Variants in DAD1 observed in about 807,000 individuals in gnomAD.
DAD1 encodes dolichyl-diphosphooligosaccharide--protein glycosyltransferase subunit DAD1.
In DAD1, 4 loss-of-function variants were observed where a neutral mutation model predicts 9.0. The observed-to-expected ratio is 0.44, with a 90% CI of 0.22 to 1.01. DAD1 has a LOEUF of 1.01. Ranked by LOEUF, DAD1 falls within the 50% of genes least tolerant of loss-of-function variation. DAD1 has a pLI of 0.24. For missense variants in DAD1, 119 were observed against 137.3 expected (o/e 0.87, Z 0.67); for synonymous variants, 60 against 62.5 (o/e 0.96, Z 0.19).
At chr14:22,584,753 T>C (rs1209390251) in intron 1 of DAD1, among the ~76,000 whole-genome samples, 1 of 152,112 alleles carries the variant, frequency 6.6e-6, no homozygotes, top group South Asian at 2.1e-4. Context: ...GGAAGCCAGA[T>C]CATGAAAGAG....
chr14:22,577,434 G>C (rs1039766832), intron 1 of DAD1, among the ~76,000 whole-genome samples: 1 of 152,102 alleles, frequency 6.6e-6, no homozygotes, highest in African/African-American at 2.4e-5. Context: ...AACTCCATCT[G>C]GGAGGTTGGG....
intron 1 of DAD1, among the ~76,000 whole-genome samples, chr14:22,577,027 A>T (rs1232571915): frequency 1.3e-5 from 2 of 152,234 alleles, no homozygotes; most frequent in East Asian, 3.8e-4. Flanking sequence ...AAAATCAAAT[A>T]GGGTAGCCAG....
chr14:22,564,937 A>T lies in DAD1; in HGVS notation c.*245T>A. On this transcript the variant is annotated 3_prime_UTR_variant, in exon 3 of 3. Coordinates refer to ENST00000250498, the MANE Select transcript of DAD1 (RefSeq NM_001344.4). Reference sequence around the variant, plus strand: ...GTGGCATGGAGTTCTTTAATTTGGAAGGCAAAAGGTTACATTTAATGAAAG... The same window carrying T: ...GTGGCATGGAGTTCTTTAATTTGGATGGCAAAAGGTTACATTTAATGAAAG... The T allele has an allele frequency of 1.7e-6, 1 of 586,814 alleles. No individual in the cohort carries two copies. Among genetic ancestry groups the T allele is most frequent in the South Asian group, 2.1e-5 (1 of 46,612 alleles). The allele number at this position is 586,814 out of a possible 1,614,324, so 36.4% of individuals were successfully genotyped here.
chr14:22,569,492 T>C (rs1222363594), intron 2 of DAD1, among the ~76,000 whole-genome samples: 7 of 151,980 alleles, frequency 4.6e-5, no homozygotes, highest in Admixed American at 4.6e-4. Flanking sequence ...ACACTGTTAC[T>C]GTTCACAATT....
At chr14:22,577,532 C>G (rs1252710421) in intron 1 of DAD1, among the ~76,000 whole-genome samples, 1 of 152,172 alleles carries the variant, frequency 6.6e-6, no homozygotes, top group East Asian at 1.9e-4. Context: ...AAGGTGAGAG[C>G]AGCCCAAGTG....
intron 2 of DAD1, among the ~76,000 whole-genome samples, chr14:22,570,304 G>A (rs2037029892): frequency 6.6e-6 from 1 of 152,164 alleles, no homozygotes; most frequent in Non-Finnish European, 1.5e-5. Context: ...TATGTGCACA[G>A]TCTTGGTCTT....
chr14:22,587,864 T>C (rs1290924800), intron 1 of DAD1, among the ~76,000 whole-genome samples: 3 of 151,730 alleles, frequency 2.0e-5, no homozygotes, highest in Non-Finnish European at 4.4e-5. Flanking sequence ...GCCTCCCGAG[T>C]AGCTGGGATT....
chr14:22,578,857 A>G (rs931266), intron 1 of DAD1, among the ~76,000 whole-genome samples: 106,196 of 152,050 alleles, frequency 0.7, 38,788 homozygotes, highest in African/African-American at 0.93. Flanking sequence ...GGCTTTCTCA[A>G]AGAAAAAAAT....
At chr14:22,565,672 G>T (rs2036997996) in intron 2 of DAD1, among the ~76,000 whole-genome samples, 1 of 152,104 alleles carries the variant, frequency 6.6e-6, no homozygotes. Context: ...GTTTATTTTT[G>T]GCAAGAAAAA....
At chr14:22,583,966 T>G (rs12891958) in intron 1 of DAD1, among the ~76,000 whole-genome samples, 20,373 of 152,128 alleles carry the variant, frequency 0.13, 1,511 homozygotes, top group Middle Eastern at 0.19. Context: ...GAAGCCTACT[T>G]TAGGAAGGCG....
chr14:22,571,565 T>G (rs1247483403), intron 2 of DAD1, among the ~76,000 whole-genome samples: 2 of 151,634 alleles, frequency 1.3e-5, no homozygotes, highest in African/African-American at 4.8e-5. Context: ...ATAAAAAATA[T>G]TGAGTCTTTC....
chr14:22,577,673 C>T (rs536047641), intron 1 of DAD1, among the ~76,000 whole-genome samples: 3 of 152,218 alleles, frequency 2.0e-5, no homozygotes, highest in African/African-American at 7.2e-5. Context: ...GTGACATAAG[C>T]CATGACAAAG....
At chr14:22,585,665 A>C (rs541683420) in intron 1 of DAD1, among the ~76,000 whole-genome samples, 1 of 152,320 alleles carries the variant, frequency 6.6e-6, no homozygotes, top group East Asian at 1.9e-4. Flanking sequence ...CTATGAGGGA[A>C]TAGAAGAAAA....
At chr14:22,565,529 T>A (rs1325649035) in intron 2 of DAD1, among the ~76,000 whole-genome samples, 1 of 152,182 alleles carries the variant, frequency 6.6e-6, no homozygotes, top group Non-Finnish European at 1.5e-5. Flanking sequence ...AAAATGCTTA[T>A]GAAGCACAGA....
chr14:22,587,622 T>C (rs2037162347), intron 1 of DAD1, among the ~76,000 whole-genome samples: 1 of 152,178 alleles, frequency 6.6e-6, no homozygotes, highest in South Asian at 2.1e-4. Flanking sequence ...ACACAAGTCA[T>C]TAGATCCTCA....
chr14:22,569,299 A>G (rs2037022273), intron 2 of DAD1, among the ~76,000 whole-genome samples: 1 of 152,030 alleles, frequency 6.6e-6, no homozygotes, highest in South Asian at 2.1e-4. Context: ...CAGGCGTGGG[A>G]GCACACACTT....
chr14:22,571,988 A>T (rs2037044496), intron 2 of DAD1, among the ~76,000 whole-genome samples: 1 of 152,196 alleles, frequency 6.6e-6, no homozygotes, highest in Non-Finnish European at 1.5e-5. Context: ...CAGCAAGCCT[A>T]TCCTCGTGAA....
At chr14:22,583,126 A>G (rs1428464007) in intron 1 of DAD1, among the ~76,000 whole-genome samples, 1 of 152,190 alleles carries the variant, frequency 6.6e-6, no homozygotes, top group Non-Finnish European at 1.5e-5. Context: ...CATATCAGAC[A>G]TCAAGTGAAG....
intron 1 of DAD1, among the ~76,000 whole-genome samples, chr14:22,581,462 C>T (rs1284327226): frequency 6.6e-6 from 1 of 152,076 alleles, no homozygotes; most frequent in Non-Finnish European, 1.5e-5. Flanking sequence ...AGGACAGACG[C>T]CAGGCATGGT....
Sources: gnomAD v4.1 joint callset for allele counts (sites outside exome capture counted in the v4.1 genomes callset) on GRCh38, gnomAD v4.1.1 for gene constraint, MANE v1.5 for transcripts, NCBI Gene and HGNC (gene_info 2026-07-23, HGNC 2026-07-21) for gene names.